The following RMC1 variants were observed in gnomAD, a reference collection of about 807,000 sequenced individuals.
RMC1 encodes regulator of MON1-CCZ1 complex.
RMC1 carries 44 observed loss-of-function variants against 95.5 expected under a neutral mutation model. The ratio of observed to expected loss-of-function variants is 0.46; its 90% CI spans 0.36 to 0.59. The LOEUF (loss-of-function observed/expected upper bound fraction) is 0.59. RMC1 is among the 20% of genes least tolerant of loss of function. RMC1 has a pLI of 0.00. For missense variants in RMC1, 705 were observed against 819.6 expected (o/e 0.86, Z 1.71); for synonymous variants, 320 against 303.6 (o/e 1.05, Z -0.56).
intron 4 of RMC1, 56 bp downstream of exon 4, chr18:23,508,097 T>C (rs2057758437): frequency 1.3e-6 from 2 of 1,508,488 alleles, no homozygotes; most frequent in African/African-American, 1.4e-5. Context: ...AGCTGGGTTA[T>C]GTAGTGGAGA....
chr18:23,503,522 C>A lies in RMC1; in HGVS notation c.-97C>A. 1.3e-6 allele frequency: 1 copy of A among 787,122 alleles called. No homozygotes were observed. The allele number at this position is 787,122 out of a possible 1,614,324, so 48.8% of individuals were successfully genotyped here. A position where few individuals can be genotyped will look rare whatever the true frequency, so the allele number is the denominator to read the frequency against. On this transcript the variant is annotated 5_prime_UTR_variant, in exon 1 of 20. Coordinates refer to ENST00000269221, the MANE Select transcript of RMC1 (RefSeq NM_013326.5). The stretch of plus-strand genomic sequence containing the variant: ...TCCGCGCCGGGCCCAGAGCCGCAGC[C>A]GCAGCCGCCGCTACAGTCCGGGCCG...
intron 17 of RMC1, 40 bp downstream of exon 17, chr18:23,530,172 A>G (rs2058446860): frequency 1.2e-6 from 2 of 1,613,732 alleles, no homozygotes; most frequent in East Asian, 2.2e-5. Context: ...GTGGTTAAAA[A>G]TGGAAAATTT....
intron 2 of RMC1, 127 bp downstream of exon 2, chr18:23,504,574 T>A: frequency 1.3e-6 from 1 of 748,984 alleles, no homozygotes; most frequent in Non-Finnish European, 2.3e-6. Context: ...TGTGCGCACA[T>A]GGAATTCCTG....
intron 5 of RMC1, among the ~76,000 whole-genome samples, chr18:23,514,572 T>A (rs907323723): frequency 9.9e-5 from 15 of 151,252 alleles, no homozygotes; most frequent in African/African-American, 3.6e-4. Context: ...AAAAAAAAAA[T>A]TTGTAATGAC....
chr18:23,518,129 C>T (rs1438821254), intron 7 of RMC1, among the ~76,000 whole-genome samples: 1 of 152,266 alleles, frequency 6.6e-6, no homozygotes, highest in Non-Finnish European at 1.5e-5. Flanking sequence ...AGGCCCAGCA[C>T]AGAGTTTACC....
intron 3 of RMC1, 74 bp from the exon 4 acceptor site, chr18:23,507,911 G>T (rs2145134528): frequency 7.4e-7 from 1 of 1,358,264 alleles, no homozygotes; most frequent in African/African-American, 1.5e-5. Flanking sequence ...TTCTTGTCTT[G>T]TAGTATGCCA....
chr18:23,512,857 T>G lies in RMC1; in HGVS notation c.409-2999T>G, dbSNP rs376045826. On this transcript the variant is annotated intron_variant, in intron 5 of 19. Coordinates refer to ENST00000269221, the MANE Select transcript of RMC1 (RefSeq NM_013326.5). ...TTGTTATGAAATAGCTCCAGAACTT[T>G]TTTCATCTTGTGAAACCAAAACTAT... Among the ~76,000 whole-genome samples, 60 of 152,186 alleles carry G rather than the reference T, an allele frequency of 3.9e-4. 1 individual carries two copies. Among genetic ancestry groups the G allele is most frequent in the Admixed American group, 3.3e-3 (51 of 15,274 alleles).
chr18:23,528,619 A>C (rs904519658), intron 14 of RMC1: 2 of 153,578 alleles, frequency 1.3e-5, no homozygotes, highest in African/African-American at 4.8e-5. Context: ...GACAGTGTCC[A>C]TTCCTACGCT....
chr18:23,503,729 C>T lies in RMC1; in HGVS notation c.102+9C>T. 3 of 1,583,208 alleles carry T rather than the reference C, an allele frequency of 1.9e-6. No individual in the cohort carries two copies. The highest frequency in any genetic ancestry group is 2.6e-6 in the Non-Finnish European group (3 of 1,166,028). On this transcript the variant is annotated intron_variant, in intron 1 of 19. Coordinates refer to ENST00000269221, the MANE Select transcript of RMC1 (RefSeq NM_013326.5). ...ATGAGGCCAACAAGCAGGTCCGGCG[C>T]GCCCGCGCTTCCTCCCCCGCGCGGC...
intron 3 of RMC1, 152 bp downstream of exon 3, chr18:23,507,206 A>C (rs546004635): frequency 2.2e-6 from 1 of 455,476 alleles, no homozygotes; most frequent in Non-Finnish European, 3.9e-6. Flanking sequence ...GCCTTCAAAA[A>C]CGAAAAAGAC....
rs1027881837 is a variant in RMC1 at position 23,507,042 on chromosome 18, C to T, written c.252C>T (p.Thr84=). 12 of 1,602,192 alleles carry T rather than the reference C, an allele frequency of 7.5e-6. No individual in the cohort carries two copies. The highest frequency in any genetic ancestry group is 1.7e-4 in the Middle Eastern group (1 of 6,054). ...LENKILAVQR[T]SKTVDFCNFI... is the part of the protein sequence containing the mutation. ...ATAAGATATTGGCTGTTCAGAGGAC[C>T]TCAAAGACTGTGGTAAGACTTATCT... Residue 84 remains threonine (T), a synonymous_variant, in exon 3 of 20, where the codon ACC becomes ACT. Transcript: ENST00000269221.
rs2057861043 is a variant in RMC1 at position 23,511,632 on chromosome 18, T to A, written c.408+2353T>A. Among the ~76,000 whole-genome samples, 2 of 152,170 alleles carry A rather than the reference T, an allele frequency of 1.3e-5. 1 individual carries two copies. The highest frequency in any genetic ancestry group is 4.1e-4 in the South Asian group (2 of 4,832). On this transcript the variant is annotated intron_variant, in intron 5 of 19. Coordinates refer to ENST00000269221, the MANE Select transcript of RMC1 (RefSeq NM_013326.5). ...CTTTTTAACAAAAAGGGGAATGTTG[T>A]ATATAAACTTTTGCAGCTAGCTTTT...
chr18:23,518,868 T>C (rs371810931), intron 7 of RMC1, 22 bp from the exon 8 acceptor site: 6 of 1,609,526 alleles, frequency 3.7e-6, no homozygotes, highest in Non-Finnish European at 5.1e-6. Flanking sequence ...ATGTGATTTA[T>C]GTCTGTTTGT....
rs62093269 is a variant in RMC1, at chr18:23,506,585, G to A, written c.180-385G>A. On this transcript the variant is annotated intron_variant, in intron 2 of 19. Transcript: ENST00000269221. ...GAGACACTGTAGTGGAGCCATCTGG[G>A]TTGCATAATGAATGTGCTGTGAGAT... is the stretch of plus-strand genomic sequence containing the variant. The A allele has an allele frequency of 5.2e-3, 1,133 of 219,606 alleles. 8 individuals are homozygous for A. Among genetic ancestry groups the A allele is most frequent in the Middle Eastern group, 0.02 (12 of 586 alleles). 13.6% of individuals were successfully genotyped at this position (219,606 alleles called of 1,614,324 possible). A position where few individuals can be genotyped will look rare whatever the true frequency, so the allele number is the denominator to read the frequency against.
Position 23,503,514 on chromosome 18 carries a change from G to A in RMC1, c.-105G>A. 1.4e-6 allele frequency: 1 copy of A among 700,468 alleles called. No homozygotes were observed. The highest frequency in any genetic ancestry group is 2.0e-6 in the Non-Finnish European group (1 of 495,500). 43.4% of individuals were successfully genotyped at this position (700,468 alleles called of 1,614,324 possible). On this transcript the variant is annotated 5_prime_UTR_variant, in exon 1 of 20. Transcript: ENST00000269221. ...AAGCGGCGTCCGCGCCGGGCCCAGA[G>A]CCGCAGCCGCAGCCGCCGCTACAGT...
intron 5 of RMC1, 97 bp from the exon 6 acceptor site, chr18:23,515,759 C>T (rs1408150316): frequency 6.9e-7 from 1 of 1,451,050 alleles, no homozygotes; most frequent in African/African-American, 1.4e-5. Context: ...TCTCGAACTC[C>T]TGACCTCAGG....
intron 6 of RMC1, 114 bp downstream of exon 6, chr18:23,516,110 G>C: frequency 6.7e-7 from 1 of 1,492,968 alleles, no homozygotes; most frequent in Non-Finnish European, 9.2e-7. Context: ...TAACGTCACC[G>C]CTCTGACCAC....
Position 23,526,695 on chromosome 18 carries a change from A to AG in RMC1, c.1121dup (p.Arg375LysfsTer26). The AG allele has an allele frequency of 6.2e-7, 1 of 1,614,164 alleles. No individual in the cohort carries two copies. ...CCATAGTAAATCTCTTACCAGACAA[A>AG]GGAAGACTCATGGACTTTCTCCTCC... is the stretch of plus-strand genomic sequence containing the variant. On this transcript the variant is annotated frameshift_variant, in exon 13 of 20. Coordinates refer to ENST00000269221, the MANE Select transcript of RMC1 (RefSeq NM_013326.5). LOFTEE classifies it high-confidence loss of function.
chr18:23,514,297 C>T (rs1332529538), intron 5 of RMC1, among the ~76,000 whole-genome samples: 1 of 152,218 alleles, frequency 6.6e-6, no homozygotes, highest in Non-Finnish European at 1.5e-5. Flanking sequence ...GGGCGATCAT[C>T]TGAGGTCAGG....
Sources: allele counts gnomAD v4.1 joint callset (sites outside exome capture counted in the v4.1 genomes callset), GRCh38; gene constraint gnomAD v4.1.1; transcripts MANE v1.5; gene names NCBI Gene and HGNC (gene_info 2026-07-23, HGNC 2026-07-21).